The following EDDM3A variants were observed in gnomAD, a reference collection of about 807,000 sequenced individuals.
EDDM3A encodes epididymal protein 3A.
For synonymous variants in EDDM3A, 75 were observed against 60.4 expected (o/e 1.24, Z -1.12); for missense variants, 199 against 177.4 (o/e 1.12, Z -0.69).
chr14:20,737,319 C>T, the EDDM3A span, among the ~76,000 whole-genome samples: 1 of 152,152 alleles, frequency 6.6e-6, no homozygotes, highest in South Asian at 2.1e-4. Flanking sequence ...ACCTCGGCTT[C>T]CCAAAGTCCT....
At chr14:20,741,513 T>C (rs141703866), upstream of EDDM3A, among the ~76,000 whole-genome samples, 337 of 152,176 alleles carry the variant, frequency 2.2e-3, 2 homozygotes, top group Non-Finnish European at 3.4e-3. Context: ...GGACCCACCA[T>C]AGGAGCCCCA....
upstream of EDDM3A, among the ~76,000 whole-genome samples, chr14:20,744,943 T>A (rs533855213): frequency 6.6e-6 from 1 of 152,322 alleles, no homozygotes; most frequent in Admixed American, 6.5e-5. Flanking sequence ...TTTTCTGGCC[T>A]GACCAAGTGG....
chr14:20,744,401 G>T (rs532965440), upstream of EDDM3A, among the ~76,000 whole-genome samples: 4 of 152,314 alleles, frequency 2.6e-5, no homozygotes, highest in African/African-American at 7.2e-5. Flanking sequence ...CAACTAAGGT[G>T]GTTTGGCTAG....
At chr14:20,736,497 GTTCCACTCAGTT>G in the EDDM3A span, among the ~76,000 whole-genome samples, 11,910 of 152,140 alleles carry the variant, frequency 0.078, 519 homozygotes, top group Non-Finnish European at 0.089. Flanking sequence ...AACATGCTTA[GTTCCACTCAGTT>G]TCTTGGGTAA....
At chr14:20,741,153 G>A (rs752290302), upstream of EDDM3A, among the ~76,000 whole-genome samples, 17 of 152,158 alleles carry the variant, frequency 1.1e-4, no homozygotes, top group Non-Finnish European at 1.9e-4. Flanking sequence ...GAAAGGGCAT[G>A]CCCAAGCAGA....
At chr14:20,737,674 G>A in the EDDM3A span, among the ~76,000 whole-genome samples, 1 of 152,164 alleles carries the variant, frequency 6.6e-6, no homozygotes, top group Non-Finnish European at 1.5e-5. Context: ...CAGAAACATA[G>A]GGAGAAGGTT....
At chr14:20,745,702 A>G (rs1888567), upstream of EDDM3A, among the ~76,000 whole-genome samples, 116,948 of 152,032 alleles carry the variant, frequency 0.77, 45,329 homozygotes, top group East Asian at 0.99. Flanking sequence ...ATCATTTTGT[A>G]CCCAGGGCTC....
chr14:20,736,107 CT>C, the EDDM3A span, among the ~76,000 whole-genome samples: 1,092 of 144,764 alleles, frequency 7.5e-3, 10 homozygotes, highest in African/African-American at 0.021. Context: ...CCCATCATCA[CT>C]TTTTTTTTTT....
chr14:20,737,730 T>C, the EDDM3A span, among the ~76,000 whole-genome samples: 1 of 152,178 alleles, frequency 6.6e-6, no homozygotes, highest in Non-Finnish European at 1.5e-5. Flanking sequence ...ACTTAAGACC[T>C]AAATTTTGTT....
rs1877648990 is a variant in EDDM3A at position 20,747,818 on chromosome 14, T to A, written c.238T>A (p.Cys80Ser). ...CTTATGGTTCAAAATTCAGCGTGCA[T>A]GCATCAATGAGAAGGGGAGCGACCG... Reference protein sequence around the residue: ...YSLWFKIQRACINEKGSDRYR... With the variant: ...YSLWFKIQRASINEKGSDRYR... Residue 80 changes from cysteine (C) to serine (S), a missense_variant, in exon 2 of 2, where the codon TGC becomes AGC. By Grantham distance (112) the Cys-to-Ser change is moderately radical. Transcript: ENST00000326842. 4.3e-6 allele frequency: 7 copies of A among 1,614,128 alleles called. No homozygotes were observed. Among genetic ancestry groups the A allele is most frequent in the African/African-American group, 1.3e-5 (1 of 75,032 alleles).
At chr14:20,738,506 T>TAAATAAATAAATAAACAAAC in the EDDM3A span, among the ~76,000 whole-genome samples, 1 of 144,322 alleles carries the variant, frequency 6.9e-6, no homozygotes, top group African/African-American at 2.6e-5. Flanking sequence ...AATAAATAAA[T>TAAATAAATAAATAAACAAAC]AAACAGTAGC....
chr14:20,736,198 C>T, the EDDM3A span, among the ~76,000 whole-genome samples: 277 of 152,104 alleles, frequency 1.8e-3, no homozygotes, highest in African/African-American at 6.4e-3. Flanking sequence ...CATCCTCCAC[C>T]TCCAGGTTTC....
At chr14:20,738,940 C>T in the EDDM3A span, among the ~76,000 whole-genome samples, 1 of 152,176 alleles carries the variant, frequency 6.6e-6, no homozygotes, top group Non-Finnish European at 1.5e-5. Flanking sequence ...GATTTAGAGT[C>T]ACCTTTCTCT....
chr14:20,742,426 AC>A (rs764950774), upstream of EDDM3A, among the ~76,000 whole-genome samples: 5 of 152,250 alleles, frequency 3.3e-5, no homozygotes, highest in Non-Finnish European at 7.3e-5. Context: ...ACTTCTCTTA[AC>A]TGACTAAAGC....
the EDDM3A span, among the ~76,000 whole-genome samples, chr14:20,738,530 T>G: frequency 6.6e-6 from 1 of 151,946 alleles, no homozygotes; most frequent in Non-Finnish European, 1.5e-5. Flanking sequence ...TCCTCAATGG[T>G]CAATTTACAT....
chr14:20,747,814 T>G lies in EDDM3A; in HGVS notation c.234T>G (p.Arg78=). 1 of 1,614,128 alleles carries G rather than the reference T, an allele frequency of 6.2e-7. No individual in the cohort carries two copies. Among genetic ancestry groups the G allele is most frequent in the Non-Finnish European group, 8.5e-7 (1 of 1,180,016 alleles). ...ATAGCTTATGGTTCAAAATTCAGCG[T>G]GCATGCATCAATGAGAAGGGGAGCG... ...FIYSLWFKIQ[R]ACINEKGSDR... Residue 78 remains arginine (R), a synonymous_variant, in exon 2 of 2, where the codon CGT becomes CGG. Transcript: ENST00000326842.
chr14:20,742,211 A>G (rs537354986), upstream of EDDM3A, among the ~76,000 whole-genome samples: 1 of 152,326 alleles, frequency 6.6e-6, no homozygotes, highest in Admixed American at 6.5e-5. Context: ...ACTGATTCCC[A>G]TCCTGGGCAG....
the EDDM3A span, among the ~76,000 whole-genome samples, chr14:20,737,054 CTTTTTT>C: frequency 9.1e-6 from 1 of 109,964 alleles, no homozygotes; most frequent in South Asian, 3.2e-4. Context: ...TTTCTTTTTC[CTTTTTT>C]TTTTTTTTTT....
At chr14:20,743,539 AAAT>A (rs547380173), upstream of EDDM3A, among the ~76,000 whole-genome samples, 21 of 144,338 alleles carry the variant, frequency 1.5e-4, no homozygotes, top group African/African-American at 5.0e-4. Flanking sequence ...TCCATTCCAA[AAAT>A]AATAATAATA....
Sources: gnomAD v4.1 joint callset for allele counts (sites outside exome capture counted in the v4.1 genomes callset) on GRCh38, gnomAD v4.1.1 for gene constraint, MANE v1.5 for transcripts, NCBI Gene and HGNC (gene_info 2026-07-23, HGNC 2026-07-21) for gene names.